Variants in LAMA2 observed in about 807,000 individuals in gnomAD.
The protein encoded by LAMA2 is laminin subunit alpha-2.
In LAMA2, 269 loss-of-function variants were observed where a neutral mutation model predicts 364.8. The ratio of observed to expected loss-of-function variants is 0.74; its 90% CI spans 0.67 to 0.82. The LOEUF is 0.82. LAMA2 is among the 40% of genes least tolerant of loss of function. LAMA2 has a pLI of 0.00. For missense variants in LAMA2, 3,807 were observed against 3,873.2 expected (o/e 0.98, Z 0.45); for synonymous variants, 1,379 against 1,370.6 (o/e 1.01, Z -0.14).
intron 14 of LAMA2, among the ~76,000 whole-genome samples, chr6:129,260,378 C>T (rs981067182): frequency 1.3e-5 from 2 of 152,026 alleles, no homozygotes; most frequent in Non-Finnish European, 2.9e-5. Flanking sequence ...GGAATGTTTT[C>T]TTTTTTAAAA....
intron 12 of LAMA2, among the ~76,000 whole-genome samples, chr6:129,222,768 G>C (rs1254592318): frequency 6.6e-6 from 1 of 152,022 alleles, no homozygotes; most frequent in Non-Finnish European, 1.5e-5. Context: ...TTGGTTCCAA[G>C]TCTTTGCTAT....
At chr6:129,245,157 AAG>A (rs1454140175) in intron 12 of LAMA2, among the ~76,000 whole-genome samples, 1 of 152,172 alleles carries the variant, frequency 6.6e-6, no homozygotes, top group Admixed American at 6.6e-5. Flanking sequence ...GATATGGAGA[AAG>A]AGGGAAAAGG....
chr6:129,509,116 C>T (rs753842381), intron 62 of LAMA2, among the ~76,000 whole-genome samples: 1 of 152,046 alleles, frequency 6.6e-6, no homozygotes, highest in Non-Finnish European at 1.5e-5. Flanking sequence ...ATGTTGAGCC[C>T]CTTTTGATAT....
intron 31 of LAMA2, among the ~76,000 whole-genome samples, chr6:129,350,474 C>A (rs1024792091): frequency 9.2e-5 from 14 of 152,222 alleles, no homozygotes; most frequent in Non-Finnish European, 1.6e-4. Context: ...CCTGCAGTGG[C>A]CCATGACTAA....
intron 3 of LAMA2, among the ~76,000 whole-genome samples, chr6:129,075,232 AC>A (rs1435213561): frequency 6.6e-6 from 1 of 152,174 alleles, no homozygotes; most frequent in Non-Finnish European, 1.5e-5. Flanking sequence ...AGAGTTTATT[AC>A]CAGCAGGAAT....
At chr6:129,227,314 G>C (rs1784364336) in intron 12 of LAMA2, among the ~76,000 whole-genome samples, 1 of 152,136 alleles carries the variant, frequency 6.6e-6, no homozygotes, top group Non-Finnish European at 1.5e-5. Context: ...ATCGTCTGAA[G>C]CCTTCTTCTC....
Position 129,287,861 on chromosome 6 carries a change from AT to A in LAMA2, c.2556del (p.Phe852LeufsTer36), listed in dbSNP as rs750731624. Reference sequence around the variant, plus strand: ...TCTTGCCTTAGGTGTGCAGAAGGCTATTTTGGACAACCCTCTGTACCTGGAG... The same window carrying A: ...TCTTGCCTTAGGTGTGCAGAAGGCTATTTGGACAACCCTCTGTACCTGGAG... Reference protein sequence around the residue: ...GPRCERCAEGYFGQPSVPGGS... With the variant: ...GPRCERCAEGXFGQPSVPGGS... On this transcript the variant is annotated frameshift_variant, in exon 19 of 65. Transcript: ENST00000421865. LOFTEE classifies it high-confidence loss of function. 86 of 1,613,756 alleles carry A rather than the reference AT, an allele frequency of 5.3e-5. No homozygotes were observed. The highest frequency in any genetic ancestry group is 7.1e-5 in the Non-Finnish European group (84 of 1,179,810).
chr6:129,466,541 T>C (rs949885386), intron 51 of LAMA2, among the ~76,000 whole-genome samples: 2 of 151,986 alleles, frequency 1.3e-5, no homozygotes, highest in Admixed American at 1.3e-4. Flanking sequence ...TTTGGAGTGC[T>C]GCTGCATACA....
chr6:129,445,923 T>A, intron 45 of LAMA2, 102 bp downstream of exon 45: 1 of 1,189,744 alleles, frequency 8.4e-7, no homozygotes, highest in Non-Finnish European at 1.2e-6. Flanking sequence ...TGATCTTGGG[T>A]CCTTTTCCTT....
At chr6:128,929,318 CAG>C in intron 1 of LAMA2, 2 of 1,205,904 alleles carry the variant, frequency 1.7e-6, no homozygotes, top group Non-Finnish European at 2.5e-6. Flanking sequence ...CTCACTCTCA[CAG>C]AGCCAAGTAC....
At chr6:129,457,913 A>G (rs1583798774) in intron 48 of LAMA2, among the ~76,000 whole-genome samples, 1 of 152,116 alleles carries the variant, frequency 6.6e-6, no homozygotes, top group Admixed American at 6.6e-5. Context: ...TTATAAGGGC[A>G]CTAATTTCAT....
intron 3 of LAMA2, among the ~76,000 whole-genome samples, chr6:129,084,945 T>C (rs1774283568): frequency 6.6e-6 from 1 of 152,182 alleles, no homozygotes; most frequent in Non-Finnish European, 1.5e-5. Flanking sequence ...ATCCAGTCTT[T>C]GCCATTCACA....
In LAMA2 at chr6:129,154,516, CA is replaced by C; in HGVS notation, c.1040del (p.His347LeufsTer18). 6.2e-7 allele frequency: 1 copy of C among 1,612,956 alleles called. No individual in the cohort carries two copies. The highest frequency in any genetic ancestry group is 8.5e-7 in the Non-Finnish European group (1 of 1,179,014). ...TTTCCTTAATGCAGCATGCAATTGT[CA>C]TGGAAAAGCTGAAGAATGCTATTAT... ...TKTECEACNC[H>X]GKAEECYYDE... is the part of the protein sequence containing the mutation. On this transcript the variant is annotated frameshift_variant, in exon 8 of 65. Transcript: ENST00000421865. LOFTEE classifies it high-confidence loss of function.
intron 4 of LAMA2, among the ~76,000 whole-genome samples, chr6:129,139,529 C>A (rs985629915): frequency 1.3e-5 from 2 of 152,070 alleles, no homozygotes; most frequent in African/African-American, 2.4e-5. Context: ...ACATACTATG[C>A]CATTTCATTT....
chr6:129,477,719 T>G (rs1784140142), intron 53 of LAMA2, among the ~76,000 whole-genome samples: 1 of 151,926 alleles, frequency 6.6e-6, no homozygotes, highest in South Asian at 2.1e-4. Flanking sequence ...TTTATTTTGT[T>G]ATTGTTCTAA....
intron 12 of LAMA2, among the ~76,000 whole-genome samples, chr6:129,201,539 A>G (rs1056042904): frequency 1.3e-5 from 2 of 152,244 alleles, no homozygotes; most frequent in South Asian, 4.1e-4. Context: ...GAATGTCTTC[A>G]TAAGAGGGAC....
In LAMA2 at chr6:128,927,190, C is replaced by G. The variant is rs574594496; in HGVS notation, c.112+43833C>G. ...AACACACCACTCTCCCTCCTCTCTT[C>G]TCATTCCTCTAGAACAGTGGCCTTC... is the stretch of plus-strand genomic sequence containing the variant. On this transcript the variant is annotated intron_variant, in intron 1 of 64. Coordinates refer to ENST00000421865, the MANE Select transcript of LAMA2 (RefSeq NM_000426.4). 2.0e-5 allele frequency among the ~76,000 whole-genome samples: 3 copies of G among 152,320 alleles called. No individual in the cohort carries two copies. In the South Asian group the frequency reaches 6.2e-4, roughly 32 times the overall value.
chr6:129,457,028 T>A (rs1783002226), intron 48 of LAMA2, among the ~76,000 whole-genome samples: 1 of 152,158 alleles, frequency 6.6e-6, no homozygotes. Context: ...AATTGCAGAA[T>A]GCCTGCCTTT....
intron 4 of LAMA2, among the ~76,000 whole-genome samples, chr6:129,106,875 A>T (rs199672534): frequency 0.14 from 19,951 of 142,352 alleles, 1,453 homozygotes; most frequent in Middle Eastern, 0.21. Flanking sequence ...AAAAAAAAAA[A>T]ATATATATAT....
Sources: gnomAD v4.1 joint callset for allele counts (sites outside exome capture counted in the v4.1 genomes callset) on GRCh38, gnomAD v4.1.1 for gene constraint, MANE v1.5 for transcripts, NCBI Gene and HGNC (gene_info 2026-07-23, HGNC 2026-07-21) for gene names.